CNKSR2: variants seen among roughly 807,000 people sequenced by gnomAD.
The protein encoded by CNKSR2 is connector enhancer of kinase suppressor of Ras 2, also known as CNK homolog protein 2.
A neutral mutation model predicts 84.4 loss-of-function variants in CNKSR2; 14 were observed. That is an observed-to-expected ratio of 0.17 (90% confidence interval 0.11 to 0.26). The LOEUF is 0.26. CNKSR2 is among the 10% of genes least tolerant of loss of function. The pLI, the probability that CNKSR2 is intolerant of heterozygous loss-of-function variation, is 1.00. For synonymous variants in CNKSR2, 275 were observed against 277.9 expected, an observed-to-expected ratio of 0.99 and a Z score of 0.10; for missense variants, 485 against 771.2, an observed-to-expected ratio of 0.63 and a Z score of 4.40.
At chrX:21,426,946 C>G in intron 2 of CNKSR2, 1 of 291,581 alleles carries the variant, frequency 3.4e-6, no homozygotes, top group Admixed American at 6.2e-5. Context: ...AGATGAACCA[C>G]TCATGTGCTA....
intron 18 of CNKSR2, among the ~76,000 whole-genome samples, chrX:21,602,406 C>T (rs1281218175): frequency 2.7e-5 from 3 of 111,691 alleles, no homozygotes; most frequent in African/African-American, 6.5e-5. Flanking sequence ...AGCGATTCAC[C>T]GATCTCCCAA....
chrX:21,558,470 G>A (rs758878022), intron 11 of CNKSR2, among the ~76,000 whole-genome samples: 1 of 109,401 alleles, frequency 9.1e-6, no homozygotes, highest in Non-Finnish European at 1.9e-5. Flanking sequence ...GTAAATTTCA[G>A]TAAAGCTTTT....
rs1397199866 is a variant in CNKSR2 at position 21,426,608 on chromosome X, G to A, written c.176G>A (p.Arg59His). The A allele has an allele frequency of 2.5e-6, 3 of 1,205,590 alleles. No homozygotes were observed. Among genetic ancestry groups the A allele is most frequent in the Non-Finnish European group, 2.2e-6 (2 of 893,605 alleles). The change falls in exon 2 of 22, where the codon CGC (arginine) becomes CAC (histidine). Residue 59 changes from arginine (R) to histidine (H), a missense_variant. Physicochemically the swap from Arg to His is conservative, Grantham distance 29. Transcript: ENST00000379510. The stretch of plus-strand genomic sequence containing the variant: ...GAGCTAGAAGATCTGGGGGTCAGCC[G>A]CATTGGCCATCAGGAACTGATCTTG... Reference protein sequence around the residue: ...HQELEDLGVSRIGHQELILEA... With the variant: ...HQELEDLGVSHIGHQELILEA...
In CNKSR2 at chrX:21,606,836, A is replaced by G; in HGVS notation, c.2102A>G (p.Asp701Gly). Reference sequence around the variant, plus strand: ...GATACTCCATCAACACCAAAACAAGATAGCCCTCCACCCCCATATGATACA... The same window carrying G: ...GATACTCCATCAACACCAAAACAAGGTAGCCCTCCACCCCCATATGATACA... ...EADTPSTPKQDSPPPPYDTYP... is the reference protein window; with the variant it reads ...EADTPSTPKQGSPPPPYDTYP... Residue 701 changes from aspartate to glycine, a missense_variant, in exon 19 of 22, where the codon GAT becomes GGT. By Grantham distance (94) the Asp-to-Gly change is moderately conservative. Around this residue, in one of 5 missense-constraint regions of CNKSR2, gnomAD observed 210 missense variants for 291.5 expected, o/e 0.72. Coordinates refer to ENST00000379510, the MANE Select transcript of CNKSR2 (RefSeq NM_014927.5). 1 of 1,200,873 alleles carries G rather than the reference A, an allele frequency of 8.3e-7. No individual in the cohort carries two copies. Among genetic ancestry groups the G allele is most frequent in the Non-Finnish European group, 1.1e-6 (1 of 886,540 alleles).
intron 5 of CNKSR2, among the ~76,000 whole-genome samples, chrX:21,472,396 A>G (rs762163726): frequency 9.0e-6 from 1 of 111,724 alleles, no homozygotes; most frequent in African/African-American, 3.3e-5. Flanking sequence ...GTTTCTCAGG[A>G]GTAATCTCCC....
rs2090010130 is a variant in CNKSR2, at chrX:21,388,936, A to G, written c.64+13975A>G. 3.6e-5 allele frequency among the ~76,000 whole-genome samples: 4 copies of G among 109,696 alleles called. No individual in the cohort carries two copies. In the South Asian group the frequency reaches 1.2e-3, roughly 34 times the overall value. On this transcript the variant is annotated intron_variant, in intron 1 of 21. Coordinates refer to ENST00000379510, the MANE Select transcript of CNKSR2 (RefSeq NM_014927.5). ...AGGTTAACATCATCAGTGATAAGTC[A>G]TGTTGATAGCATGTACCCATGATAC...
intron 5 of CNKSR2, among the ~76,000 whole-genome samples, chrX:21,478,292 A>G (rs2091280352): frequency 9.0e-6 from 1 of 111,580 alleles, no homozygotes; most frequent in African/African-American, 3.3e-5. Context: ...TGCATTGTAA[A>G]TTATTTTAAC....
intron 20 of CNKSR2, among the ~76,000 whole-genome samples, chrX:21,633,985 G>A (rs2092658859): frequency 1.8e-5 from 2 of 112,097 alleles, no homozygotes; most frequent in South Asian, 7.4e-4. Context: ...TTGATTTTTA[G>A]TTAAGATGAA....
chrX:21,578,047 A>G (rs2092330282), intron 13 of CNKSR2, among the ~76,000 whole-genome samples: 1 of 111,401 alleles, frequency 9.0e-6, no homozygotes, highest in Non-Finnish European at 1.9e-5. Context: ...AGCAATTGGC[A>G]ATGGACCAAA....
intron 1 of CNKSR2, among the ~76,000 whole-genome samples, chrX:21,413,667 T>C (rs1402921306): frequency 1.8e-5 from 2 of 111,043 alleles, no homozygotes; most frequent in African/African-American, 3.3e-5. Context: ...CTACTCTGTT[T>C]AATTTTTAGA....
chrX:21,501,303 T>C, intron 7 of CNKSR2, among the ~76,000 whole-genome samples: 1 of 109,848 alleles, frequency 9.1e-6, no homozygotes, highest in South Asian at 3.8e-4. Flanking sequence ...CAAACTATTT[T>C]TTATTAATTT....
intron 3 of CNKSR2, among the ~76,000 whole-genome samples, chrX:21,437,715 G>A (rs190044715): frequency 0.012 from 1,335 of 110,388 alleles, 8 homozygotes; most frequent in Middle Eastern, 0.019. Flanking sequence ...TCTCCTAGAA[G>A]TGCTTATATT....
At chrX:21,481,907 A>G (rs1370757871) in intron 5 of CNKSR2, among the ~76,000 whole-genome samples, 1 of 111,670 alleles carries the variant, frequency 9.0e-6, no homozygotes, top group Non-Finnish European at 1.9e-5. Flanking sequence ...AATGAACTTG[A>G]AAGCAGATTC....
chrX:21,420,276 G>A (rs982224985), intron 1 of CNKSR2, among the ~76,000 whole-genome samples: 1 of 112,323 alleles, frequency 8.9e-6, no homozygotes, highest in African/African-American at 3.2e-5. Flanking sequence ...CCTGGCCTGG[G>A]CCTCACCCTT....
rs767138866 is a variant in CNKSR2, at chrX:21,557,943, G to C, written c.1304-3528G>C. 2.8e-4 allele frequency among the ~76,000 whole-genome samples: 31 copies of C among 111,252 alleles called. No homozygotes were observed. The South Asian group carries it at 0.011, about 38-fold the overall frequency. ...TCCATTTGTATTAAAGCCTTAAAAA[G>C]TCATATGAGTATAAAAATACTTTGC... On this transcript the variant is annotated intron_variant, in intron 11 of 21. Coordinates refer to ENST00000379510, the MANE Select transcript of CNKSR2 (RefSeq NM_014927.5).
rs1238687137 is a variant in CNKSR2, at chrX:21,654,682, T to A, written c.*2161T>A. 1 of 111,786 alleles carries A rather than the reference T, an allele frequency of 8.9e-6. No homozygotes were observed. The highest frequency in any genetic ancestry group is 1.9e-5 in the Non-Finnish European group (1 of 53,189). The allele number at this position is 111,786 out of a possible 1,213,427, so 9.2% of individuals were successfully genotyped here. A position where few individuals can be genotyped will look rare whatever the true frequency, so the allele number is the denominator to read the frequency against. On this transcript the variant is annotated 3_prime_UTR_variant, in exon 22 of 22. Transcript: ENST00000379510. ...AACTGAAGTCAAATAAATTCAGCTC[T>A]TAATGAATCCTTATAAAGCACCTAC...
At chrX:21,446,736 A>G (rs1286203705) in intron 4 of CNKSR2, among the ~76,000 whole-genome samples, 3 of 111,662 alleles carry the variant, frequency 2.7e-5, no homozygotes, top group Non-Finnish European at 3.8e-5. Flanking sequence ...CAATAATATC[A>G]GAAGGAGAAT....
intron 13 of CNKSR2, among the ~76,000 whole-genome samples, chrX:21,567,058 G>A (rs896246523): frequency 3.6e-5 from 4 of 111,381 alleles, no homozygotes; most frequent in African/African-American, 1.3e-4. Flanking sequence ...TATTCCCGCT[G>A]CTGAGAATGC....
intron 10 of CNKSR2, among the ~76,000 whole-genome samples, chrX:21,531,345 A>G (rs1332891256): frequency 9.0e-6 from 1 of 110,733 alleles, no homozygotes; most frequent in African/African-American, 3.3e-5. Context: ...CATTATACCT[A>G]CTGTCTTGAA....
Sources: gnomAD v4.1 joint callset for allele counts (sites outside exome capture counted in the v4.1 genomes callset) on GRCh38, gnomAD v4.1.1 for gene constraint, gnomAD v4.1.1 regional missense constraint, MANE v1.5 for transcripts, NCBI Gene and HGNC (gene_info 2026-07-23, HGNC 2026-07-21) for gene names.